SNX29: variants seen among roughly 807,000 people sequenced by gnomAD.
SNX29 encodes sorting nexin 29.
Under a neutral mutation model 102.1 loss-of-function variants are expected in SNX29, and 78 were observed. The ratio of observed to expected loss-of-function variants is 0.76; its 90% confidence interval spans 0.64 to 0.92. The LOEUF is 0.92. SNX29 is among the 40% of genes least tolerant of loss of function. The probability of loss-of-function intolerance (pLI) is 0.00; values close to 1 mark genes in which losing one functional copy is unlikely to be tolerated. For missense variants in SNX29, 1,280 were observed against 1,061.7 expected (o/e 1.21, Z -2.86); for synonymous variants, 580 against 414.5 (o/e 1.40, Z -4.85).
At chr16:12,371,012 C>G (rs753011803) in intron 16 of SNX29, among the ~76,000 whole-genome samples, 1 of 152,202 alleles carries the variant, frequency 6.6e-6, no homozygotes, top group African/African-American at 2.4e-5. Flanking sequence ...CCACAGCTTT[C>G]TTGCCCATGA....
chr16:12,536,964 A>G (rs2077104224), intron 20 of SNX29, among the ~76,000 whole-genome samples: 1 of 151,860 alleles, frequency 6.6e-6, no homozygotes, highest in African/African-American at 2.4e-5. Context: ...CGACAGAGTG[A>G]GAGAGAACCC....
chr16:12,124,402 C>T (rs117186065), intron 11 of SNX29, among the ~76,000 whole-genome samples: 1,978 of 151,478 alleles, frequency 0.013, 23 homozygotes, highest in Non-Finnish European at 0.022. Flanking sequence ...CAGTTTACTG[C>T]CCTGAGGAGC....
chr16:12,005,535 CG>C (rs1555516681), intron 3 of SNX29, among the ~76,000 whole-genome samples: 1 of 151,982 alleles, frequency 6.6e-6, no homozygotes, highest in Non-Finnish European at 1.5e-5. Context: ...CCTTCCTGGC[CG>C]GGTTGGTTTG....
intron 10 of SNX29, among the ~76,000 whole-genome samples, chr16:12,073,965 C>G (rs1395901134): frequency 2.0e-5 from 3 of 151,906 alleles, no homozygotes; most frequent in Admixed American, 6.6e-5. Context: ...TTTAAAGTCT[C>G]TTTTATCAGA....
intron 14 of SNX29, among the ~76,000 whole-genome samples, chr16:12,227,198 A>G (rs535775397): frequency 6.6e-6 from 1 of 151,936 alleles, no homozygotes; most frequent in Non-Finnish European, 1.5e-5. Context: ...CTTTCTCCCC[A>G]TTTTACTTCC....
At chr16:12,293,803 T>C (rs116757008) in intron 15 of SNX29, among the ~76,000 whole-genome samples, 2,276 of 152,340 alleles carry the variant, frequency 0.015, 60 homozygotes, top group African/African-American at 0.051. Context: ...GCTGCAGATA[T>C]CTTTCTCAAT....
Position 12,572,598 on chromosome 16 carries a change from C to G in SNX29, c.*3969C>G. On this transcript the variant is annotated 3_prime_UTR_variant, in exon 21 of 21. Transcript: ENST00000566228. ...CCATGTTCTCTGGGCTCCCAGTGAG[C>G]CCCCTCCCCTCCGGCTACCCCCAGA... is the stretch of plus-strand genomic sequence containing the variant. 2 of 1,062,944 alleles carry G rather than the reference C, an allele frequency of 1.9e-6. No individual in the cohort carries two copies. Among genetic ancestry groups the G allele is most frequent in the Non-Finnish European group, 2.3e-6 (2 of 877,582 alleles). The allele number at this position is 1,062,944 out of a possible 1,614,324, so 65.8% of individuals were successfully genotyped here.
At chr16:12,124,159 C>G (rs187457359) in intron 11 of SNX29, among the ~76,000 whole-genome samples, 1 of 152,222 alleles carries the variant, frequency 6.6e-6, no homozygotes, top group East Asian at 1.9e-4. Flanking sequence ...AGTTCAAGAC[C>G]AACCTGGCCA....
At chr16:12,401,073 C>T (rs968919281) in intron 17 of SNX29, among the ~76,000 whole-genome samples, 20 of 151,986 alleles carry the variant, frequency 1.3e-4, no homozygotes, top group African/African-American at 3.4e-4. Flanking sequence ...CCTCGTGATC[C>T]GCCTACCTCG....
intron 20 of SNX29, among the ~76,000 whole-genome samples, chr16:12,561,824 CCTT>C (rs1226169987): frequency 6.6e-6 from 1 of 152,076 alleles, no homozygotes; most frequent in African/African-American, 2.4e-5. Context: ...CAGCTTACAT[CCTT>C]CTCCCTGCAG....
intron 18 of SNX29, among the ~76,000 whole-genome samples, chr16:12,410,408 T>G (rs11862378): frequency 2.6e-5 from 4 of 151,978 alleles, no homozygotes; most frequent in African/African-American, 9.7e-5. Flanking sequence ...TCTTCCCATC[T>G]CCCATCCTGC....
intron 15 of SNX29, among the ~76,000 whole-genome samples, chr16:12,303,584 G>C (rs1232572316): frequency 1.3e-5 from 2 of 152,212 alleles, no homozygotes; most frequent in Non-Finnish European, 2.9e-5. Flanking sequence ...AAAGGCAAGG[G>C]CATGGTAACC....
chr16:12,390,150 G>A (rs1567514273), intron 16 of SNX29, among the ~76,000 whole-genome samples: 1 of 14,648 alleles, frequency 6.8e-5, no homozygotes, highest in African/African-American at 2.0e-4. Flanking sequence ...CAATTGAGGG[G>A]TGTGTGTGTG....
At chr16:12,313,228 G>A (rs769080960) in intron 15 of SNX29, among the ~76,000 whole-genome samples, 5 of 152,128 alleles carry the variant, frequency 3.3e-5, no homozygotes, top group Admixed American at 3.3e-4. Flanking sequence ...TGGCCAGGCT[G>A]GTCTTGAACT....
At chr16:12,541,982 C>G (rs1369176105) in intron 20 of SNX29, among the ~76,000 whole-genome samples, 1 of 152,176 alleles carries the variant, frequency 6.6e-6, no homozygotes, top group Admixed American at 6.5e-5. Flanking sequence ...CTTGGCTTGT[C>G]TTATGAGTCC....
chr16:12,059,186 G>C (rs1294735836), intron 8 of SNX29, among the ~76,000 whole-genome samples: 1 of 152,114 alleles, frequency 6.6e-6, no homozygotes, highest in Non-Finnish European at 1.5e-5. Context: ...TGCGGGGAAG[G>C]GTCAAGAATT....
rs969039825 is a variant in SNX29, at chr16:12,564,155, G to C, written c.2319-4351G>C. Among the ~76,000 whole-genome samples, 137 of 152,264 alleles carry C rather than the reference G, an allele frequency of 9.0e-4. 1 individual carries two copies. Among genetic ancestry groups the C allele is most frequent in the African/African-American group, 3.2e-3 (133 of 41,552 alleles). The stretch of plus-strand genomic sequence containing the variant: ...TATAATCCCAGCACTTGGGAGGCCT[G>C]AGGTAGAGGATTGCTTGAGTTCAGG... On this transcript the variant is annotated intron_variant, in intron 20 of 20. Transcript: ENST00000566228.
intron 14 of SNX29, among the ~76,000 whole-genome samples, chr16:12,204,275 C>T (rs561556316): frequency 1.3e-5 from 2 of 152,336 alleles, no homozygotes; most frequent in East Asian, 3.9e-4. Context: ...GCCTCCCCTG[C>T]TCCTGTTATC....
intron 16 of SNX29, among the ~76,000 whole-genome samples, chr16:12,396,401 G>A (rs768259723): frequency 2.0e-5 from 3 of 152,174 alleles, no homozygotes; most frequent in Non-Finnish European, 4.4e-5. Context: ...TGGAAATGAG[G>A]CTGCATCTAA....
Sources: gnomAD v4.1 joint callset for allele counts (sites outside exome capture counted in the v4.1 genomes callset) on GRCh38, gnomAD v4.1.1 for gene constraint, MANE v1.5 for transcripts, NCBI Gene and HGNC (gene_info 2026-07-23, HGNC 2026-07-21) for gene names.